COP1: variants seen among roughly 807,000 people sequenced by gnomAD.
COP1 encodes the protein E3 ubiquitin-protein ligase COP1.
A neutral mutation model predicts 101.3 loss-of-function variants in COP1; 24 were observed. That is an observed-to-expected ratio of 0.24 (90% CI 0.17 to 0.33). The LOEUF is 0.33. Among genes scored for constraint, COP1 ranks in the 10% least tolerant of loss-of-function variants. COP1 has a pLI of 1.00. For missense variants in COP1, 663 were observed against 906.2 expected, an observed-to-expected ratio of 0.73 and a Z score of 3.45; for synonymous variants, 347 against 341.9, an observed-to-expected ratio of 1.01 and a Z score of -0.17.
intron 1 of COP1, 109 bp downstream of exon 1, chr1:176,206,463 T>G: frequency 7.8e-7 from 1 of 1,280,640 alleles, no homozygotes; most frequent in South Asian, 1.2e-5. Context: ...ACAGCACCAG[T>G]ATCCCAAGCT....
chr1:175,954,127 G>T (rs1269131319), intron 18 of COP1, among the ~76,000 whole-genome samples: 1 of 151,892 alleles, frequency 6.6e-6, no homozygotes, highest in Non-Finnish European at 1.5e-5. Context: ...AAGTAGAAAA[G>T]AATAACAAAA....
At chr1:176,144,209 C>G (rs554486269) in intron 6 of COP1, among the ~76,000 whole-genome samples, 1 of 152,202 alleles carries the variant, frequency 6.6e-6, no homozygotes, top group East Asian at 1.9e-4. Flanking sequence ...AGAAAACATA[C>G]AAGAATCTAC....
At chr1:176,008,644 T>G (rs1176363198) in intron 15 of COP1, among the ~76,000 whole-genome samples, 1 of 152,182 alleles carries the variant, frequency 6.6e-6, no homozygotes, top group African/African-American at 2.4e-5. Flanking sequence ...TACCTTTTTT[T>G]ACTGAAAAGC....
intron 18 of COP1, among the ~76,000 whole-genome samples, 171 bp downstream of exon 18, chr1:175,986,772 A>G (rs572719663): frequency 2.2e-4 from 34 of 152,336 alleles, no homozygotes; most frequent in African/African-American, 7.9e-4. Flanking sequence ...CTCTATTACT[A>G]TGCATTTCAA....
Position 176,207,217 on chromosome 1 carries a change from C to T in COP1, c.-239G>A, listed in dbSNP as rs370287338. The T allele has an allele frequency of 5.2e-5, 21 of 401,396 alleles. No homozygotes were observed. Among genetic ancestry groups the T allele is most frequent in the East Asian group, 3.9e-4 (11 of 28,032 alleles). The allele number at this position is 401,396 out of a possible 1,614,324, so 24.9% of individuals were successfully genotyped here. On this transcript the variant is annotated 5_prime_UTR_variant, in exon 1 of 20. Coordinates refer to ENST00000367669, the MANE Select transcript of COP1 (RefSeq NM_022457.7). ...AAGGCACTACCGCTGTCGAGGCCGCCGCCGCCACCGCGGTCCCTGTAGCAG... is the reference window on the plus strand; with the variant it reads ...AAGGCACTACCGCTGTCGAGGCCGCTGCCGCCACCGCGGTCCCTGTAGCAG...
intron 11 of COP1, among the ~76,000 whole-genome samples, chr1:176,063,783 A>C (rs556533714): frequency 6.6e-6 from 1 of 152,326 alleles, no homozygotes. Context: ...ACAAATAGGA[A>C]ACTTTCTGCT....
intron 15 of COP1, among the ~76,000 whole-genome samples, chr1:176,004,498 T>C (rs1200404677): frequency 4.0e-5 from 6 of 149,906 alleles, no homozygotes; most frequent in Admixed American, 1.3e-4. Context: ...TTGTCATAGA[T>C]AGTTCTTATT....
intron 11 of COP1, among the ~76,000 whole-genome samples, chr1:176,073,443 C>A (rs1019055339): frequency 6.6e-6 from 1 of 152,044 alleles, no homozygotes; most frequent in African/African-American, 2.4e-5. Context: ...AATTCAAACT[C>A]GGAATTCAAA....
chr1:176,075,678 G>A (rs368648300), intron 11 of COP1, among the ~76,000 whole-genome samples: 16 of 152,120 alleles, frequency 1.1e-4, no homozygotes, highest in South Asian at 2.1e-4. Context: ...AGTTATTCTC[G>A]GCTTACAAGA....
chr1:176,161,631 C>G (rs1390030413), intron 5 of COP1, among the ~76,000 whole-genome samples: 1 of 151,916 alleles, frequency 6.6e-6, no homozygotes, highest in African/African-American at 2.4e-5. Flanking sequence ...TTTTATATTA[C>G]TTATCACCAT....
chr1:176,125,900 C>A (rs55969691), intron 8 of COP1, among the ~76,000 whole-genome samples: 6,981 of 152,118 alleles, frequency 0.046, 329 homozygotes, highest in South Asian at 0.14. Flanking sequence ...CAATTTCTTT[C>A]ATCAGTGCTT....
At chr1:176,176,182 G>C (rs1171406937) in intron 2 of COP1, among the ~76,000 whole-genome samples, 175 bp from the exon 3 acceptor site, 1 of 152,004 alleles carries the variant, frequency 6.6e-6, no homozygotes, top group East Asian at 1.9e-4. Flanking sequence ...CACTTACTGG[G>C]TAAACACTAC....
intron 15 of COP1, among the ~76,000 whole-genome samples, chr1:176,005,908 G>C (rs937452377): frequency 2.0e-5 from 3 of 152,034 alleles, no homozygotes; most frequent in Non-Finnish European, 4.4e-5. Flanking sequence ...TATCCTTGTT[G>C]ACTTTCTGTC....
intron 15 of COP1, among the ~76,000 whole-genome samples, chr1:176,024,913 T>C (rs1026861702): frequency 5.3e-5 from 8 of 152,094 alleles, no homozygotes; most frequent in East Asian, 3.8e-4. Context: ...TACAAAACTA[T>C]TGATGATAAA....
intron 15 of COP1, among the ~76,000 whole-genome samples, chr1:176,012,326 C>G (rs1333084336): frequency 1.3e-5 from 2 of 152,126 alleles, no homozygotes; most frequent in East Asian, 3.9e-4. Flanking sequence ...GGGGTTTCAC[C>G]ATGTGACTTG....
chr1:175,965,371 G>A (rs1243557332), intron 18 of COP1, among the ~76,000 whole-genome samples: 1 of 152,050 alleles, frequency 6.6e-6, no homozygotes, highest in South Asian at 2.1e-4. Flanking sequence ...TTTGTTCAAC[G>A]CCTTGTTAAG....
intron 18 of COP1, among the ~76,000 whole-genome samples, chr1:175,965,452 T>C (rs1365050272): frequency 6.6e-6 from 1 of 152,236 alleles, no homozygotes; most frequent in Non-Finnish European, 1.5e-5. Flanking sequence ...TGGGCCACTG[T>C]TGATTTCCTG....
chr1:176,131,591 G>C (rs1293244015), intron 8 of COP1, among the ~76,000 whole-genome samples: 1 of 151,386 alleles, frequency 6.6e-6, no homozygotes, highest in Non-Finnish European at 1.5e-5. Context: ...TTTTTAGTGA[G>C]GAATAAGAAC....
At chr1:176,184,717 A>T in intron 1 of COP1, 25 bp from the exon 2 acceptor site, 1 of 1,552,254 alleles carries the variant, frequency 6.4e-7, no homozygotes, top group South Asian at 1.2e-5. Context: ...AAAATAATTG[A>T]TTTTTTTTTA....
Sources: allele counts gnomAD v4.1 joint callset (sites outside exome capture counted in the v4.1 genomes callset), GRCh38; gene constraint gnomAD v4.1.1; transcripts MANE v1.5; gene names NCBI Gene and HGNC (gene_info 2026-07-23, HGNC 2026-07-21).